NMNAT2: variants seen among roughly 807,000 people sequenced by gnomAD.
The protein encoded by NMNAT2 is nicotinamide/nicotinic acid mononucleotide adenylyltransferase 2.
Under a neutral mutation model 41.6 loss-of-function variants are expected in NMNAT2, and 11 were observed. The ratio of observed to expected loss-of-function variants is 0.26; its 90% confidence interval spans 0.17 to 0.44. NMNAT2 has a LOEUF of 0.44. Ranked by LOEUF, NMNAT2 falls within the 20% of genes least tolerant of loss-of-function variation. The pLI is 1.00. For synonymous variants in NMNAT2, 148 were observed against 151.2 expected (o/e 0.98, Z 0.16); for missense variants, 288 against 407.7 (o/e 0.71, Z 2.53).
intron 1 of NMNAT2, among the ~76,000 whole-genome samples, chr1:183,381,191 A>G (rs972312424): frequency 9.2e-5 from 14 of 152,290 alleles, no homozygotes; most frequent in African/African-American, 3.4e-4. Context: ...GAGGATGGGC[A>G]TCCCCATGAC....
rs2102266560 is a variant in NMNAT2 at position 183,250,114 on chromosome 1, G to A, written c.*2527C>T. The A allele has an allele frequency of 6.6e-6, 1 of 152,248 alleles. No homozygotes were observed. The highest frequency in any genetic ancestry group is 3.4e-3 in the Middle Eastern group (1 of 294). 9.4% of individuals were successfully genotyped at this position (152,248 alleles called of 1,614,324 possible). ...CCATAAATTCCATCCATAACTCCAA[G>A]TCCTTAAACAAGCCATGTTTCCCCA... On this transcript the variant is annotated 3_prime_UTR_variant, in exon 11 of 11. Coordinates refer to ENST00000287713, the MANE Select transcript of NMNAT2 (RefSeq NM_015039.4).
intron 8 of NMNAT2, among the ~76,000 whole-genome samples, chr1:183,269,218 A>G (rs1316681835): frequency 1.3e-5 from 2 of 152,262 alleles, no homozygotes; most frequent in East Asian, 1.9e-4. Flanking sequence ...ATGAGGCCAC[A>G]GCTAGTACAA....
intron 1 of NMNAT2, among the ~76,000 whole-genome samples, chr1:183,377,610 C>T (rs989781485): frequency 1.3e-5 from 2 of 152,210 alleles, no homozygotes; most frequent in African/African-American, 4.8e-5. Flanking sequence ...AAACTCTCTA[C>T]ACTAAAGATC....
rs61005402 is a variant in NMNAT2 at position 183,311,722 on chromosome 1, T to TACACAC, written c.86-17935_86-17930dup. Among the ~76,000 whole-genome samples the TACACAC allele has an allele frequency of 5.9e-3, 857 of 144,280 alleles. 8 individuals carry two copies. Among genetic ancestry groups the TACACAC allele is most frequent in the Non-Finnish European group, 8.1e-3 (531 of 65,348 alleles). 94.7% of individuals were successfully genotyped at this position (144,280 alleles called of 152,430 possible). ...CAGTTCACATCACACGTCCAGTCCC[T>TACACAC]ACACACACACACACACACACACACA... is the stretch of plus-strand genomic sequence containing the variant. On this transcript the variant is annotated intron_variant, in intron 1 of 10. Transcript: ENST00000287713.
rs200190360 is a variant in NMNAT2 at position 183,248,470 on chromosome 1, A to G, written c.*4171T>C. 1.3e-5 allele frequency: 2 copies of G among 152,548 alleles called. No individual in the cohort carries two copies. Among genetic ancestry groups the G allele is most frequent in the Non-Finnish European group, 2.9e-5 (2 of 68,030 alleles). The allele number at this position is 152,548 out of a possible 1,614,324, so 9.4% of individuals were successfully genotyped here. A position where few individuals can be genotyped will look rare whatever the true frequency, so the allele number is the denominator to read the frequency against. On this transcript the variant is annotated 3_prime_UTR_variant, in exon 11 of 11. Transcript: ENST00000287713. ...AAAAAGCTTCCCCCTCCTCATGCCA[A>G]CCCTCAAGACCATGTGGATCCAGCT...
At chr1:183,396,084 G>A (rs546121498) in intron 1 of NMNAT2, among the ~76,000 whole-genome samples, 4 of 152,284 alleles carry the variant, frequency 2.6e-5, no homozygotes, top group African/African-American at 9.6e-5. Context: ...GATGCCTTGA[G>A]CAAGATTCCC....
chr1:183,284,097 C>T (rs772927434), intron 6 of NMNAT2, 58 bp from the exon 7 acceptor site: 110 of 1,485,720 alleles, frequency 7.4e-5, no homozygotes, highest in Middle Eastern at 2.0e-4. Context: ...GTACCCAACA[C>T]ACAGTCTGCC....
At chr1:183,345,682 C>T (rs1404979748) in intron 1 of NMNAT2, among the ~76,000 whole-genome samples, 3 of 124,826 alleles carry the variant, frequency 2.4e-5, no homozygotes, top group Non-Finnish European at 3.3e-5. Context: ...GAAATAATAT[C>T]CTTTTCTTTT....
chr1:183,375,893 C>T (rs1663668551), intron 1 of NMNAT2, among the ~76,000 whole-genome samples: 1 of 152,196 alleles, frequency 6.6e-6, no homozygotes, highest in Non-Finnish European at 1.5e-5. Context: ...ATTAGAACAA[C>T]CTGTGCTGTG....
rs1425076369 is a variant in NMNAT2 at position 183,286,752 on chromosome 1, G to A, written c.358C>T (p.Pro120Ser). Residue 120 changes from proline (P) to serine (S), a missense_variant, in exon 5 of 11, where the codon CCT becomes TCT. By Grantham distance (74) the Pro-to-Ser change is moderately conservative. Around this residue, in one of 3 missense-constraint regions of NMNAT2, gnomAD observed 100 missense variants for 168.5 expected, o/e 0.59. Coordinates refer to ENST00000287713, the MANE Select transcript of NMNAT2 (RefSeq NM_015039.4). ...TGTCCGATCACAGGTGTCATGGAAG[G>A]TGTGTTGACATTGGAGAGGATGCAG... The part of the protein sequence containing the change: ...TGCILSNVNT[P>S]SMTPVIGQPQ... 3 of 1,611,518 alleles carry A rather than the reference G, an allele frequency of 1.9e-6. No homozygotes were observed. In the East Asian group the frequency reaches 6.7e-5, roughly 36 times the overall value.
At chr1:183,404,642 C>T (rs569789645) in intron 1 of NMNAT2, among the ~76,000 whole-genome samples, 4 of 152,302 alleles carry the variant, frequency 2.6e-5, no homozygotes, top group African/African-American at 9.6e-5. Context: ...AGGAGCTCTA[C>T]TCTGGAGGGA....
intron 8 of NMNAT2, among the ~76,000 whole-genome samples, chr1:183,269,268 G>T (rs1201779832): frequency 1.3e-5 from 2 of 152,142 alleles, no homozygotes; most frequent in Non-Finnish European, 2.9e-5. Flanking sequence ...TAAACTAGGC[G>T]GGACTAGGAC....
intron 1 of NMNAT2, among the ~76,000 whole-genome samples, chr1:183,394,201 A>G (rs1304162722): frequency 6.6e-6 from 1 of 152,188 alleles, no homozygotes; most frequent in African/African-American, 2.4e-5. Context: ...GATGCTACAA[A>G]TTGTATTATT....
intron 1 of NMNAT2, among the ~76,000 whole-genome samples, chr1:183,388,623 A>G (rs1648331221): frequency 6.6e-6 from 1 of 152,238 alleles, no homozygotes; most frequent in Admixed American, 6.5e-5. Flanking sequence ...CAGTTCAATT[A>G]TCTGTCTTTA....
At chr1:183,382,266 G>A (rs1159410249) in intron 1 of NMNAT2, among the ~76,000 whole-genome samples, 1 of 152,152 alleles carries the variant, frequency 6.6e-6, no homozygotes, top group Non-Finnish European at 1.5e-5. Flanking sequence ...AGAACAGCAA[G>A]GGGGAGATCT....
At chr1:183,302,482 G>T (rs553170751) in intron 1 of NMNAT2, among the ~76,000 whole-genome samples, 1 of 152,268 alleles carries the variant, frequency 6.6e-6, no homozygotes, top group Non-Finnish European at 1.5e-5. Flanking sequence ...GTATTTTGAT[G>T]TTTGACATCT....
intron 1 of NMNAT2, 116 bp from the exon 2 acceptor site, chr1:183,293,909 C>T (rs1661611486): frequency 4.2e-6 from 3 of 711,680 alleles, no homozygotes; most frequent in African/African-American, 3.6e-5. Context: ...ATCTCTCTTG[C>T]CATTTAAATA....
At chr1:183,311,763 ACACG>A in intron 1 of NMNAT2, among the ~76,000 whole-genome samples, 1 of 134,532 alleles carries the variant, frequency 7.4e-6, no homozygotes, top group South Asian at 2.5e-4. Context: ...ACACACACAC[ACACG>A]CCCTGGTGTT....
At chr1:183,300,168 C>G (rs543364689) in intron 1 of NMNAT2, among the ~76,000 whole-genome samples, 1 of 152,142 alleles carries the variant, frequency 6.6e-6, no homozygotes, top group African/African-American at 2.4e-5. Flanking sequence ...CTTTGGGAGG[C>G]CGAGGTGGGC....
Sources: gnomAD v4.1 joint callset for allele counts (sites outside exome capture counted in the v4.1 genomes callset) on GRCh38, gnomAD v4.1.1 for gene constraint, gnomAD v4.1.1 regional missense constraint, MANE v1.5 for transcripts, NCBI Gene and HGNC (gene_info 2026-07-23, HGNC 2026-07-21) for gene names.